Variants in LUZP2 observed in about 807,000 individuals in gnomAD.
LUZP2 encodes the protein leucine zipper protein 2.
In LUZP2, 52 loss-of-function variants were observed where a neutral mutation model predicts 51.6. The ratio of observed to expected loss-of-function variants is 1.01; its 90% confidence interval spans 0.81 to 1.27. The LOEUF is 1.27. LUZP2 is among the 50% of genes most tolerant of loss of function. The pLI, the probability that LUZP2 is intolerant of heterozygous loss-of-function variation, is 0.00. For missense variants in LUZP2, 436 were observed against 395.4 expected (o/e 1.10, Z -0.87); for synonymous variants, 154 against 137.3 (o/e 1.12, Z -0.85).
intron 1 of LUZP2, among the ~76,000 whole-genome samples, chr11:24,620,523 C>T (rs768611643): frequency 6.6e-6 from 1 of 152,188 alleles, no homozygotes; most frequent in African/African-American, 2.4e-5. Context: ...GCTTCCTACA[C>T]TGCTTACTTT....
Position 24,506,539 on chromosome 11 carries a change from A to G in LUZP2, c.62+9234A>G, listed in dbSNP as rs574693009. Among the ~76,000 whole-genome samples, 6 of 152,092 alleles carry G rather than the reference A, an allele frequency of 3.9e-5. No individual in the cohort carries two copies. In the East Asian group the frequency reaches 9.7e-4, roughly 25 times the overall value. On this transcript the variant is annotated intron_variant, in intron 1 of 11. Coordinates refer to ENST00000336930, the MANE Select transcript of LUZP2 (RefSeq NM_001009909.4). ...AGGGGCAATTTTTTCTTTTTCTGAC[A>G]TGACAGTTTAGAAAGATATTGAAGT... is the stretch of plus-strand genomic sequence containing the variant.
At chr11:24,700,730 A>C (rs540755921) in intron 1 of LUZP2, among the ~76,000 whole-genome samples, 2 of 152,252 alleles carry the variant, frequency 1.3e-5, no homozygotes, top group South Asian at 4.1e-4. Context: ...TTTATGAAAG[A>C]ATGGGAGCTG....
At chr11:24,711,436 C>T (rs549616441) in intron 1 of LUZP2, among the ~76,000 whole-genome samples, 1 of 148,818 alleles carries the variant, frequency 6.7e-6, no homozygotes, top group African/African-American at 2.5e-5. Flanking sequence ...GGCGACAGAG[C>T]GAGACTCCAT....
At chr11:24,757,401 G>A (rs1233788289) in intron 4 of LUZP2, among the ~76,000 whole-genome samples, 3 of 151,986 alleles carry the variant, frequency 2.0e-5, no homozygotes, top group African/African-American at 7.2e-5. Context: ...AATAACCATT[G>A]GATTAGTGAG....
At chr11:24,971,340 A>G (rs1335971510) in intron 7 of LUZP2, among the ~76,000 whole-genome samples, 1 of 152,136 alleles carries the variant, frequency 6.6e-6, no homozygotes, top group African/African-American at 2.4e-5. Context: ...GCCCCTATGA[A>G]AATCTAATGC....
chr11:25,073,024 CTTGACT>C (rs1859199986), intron 10 of LUZP2, among the ~76,000 whole-genome samples: 1 of 152,068 alleles, frequency 6.6e-6, no homozygotes, highest in Non-Finnish European at 1.5e-5. Context: ...AAAGACAGCA[CTTGACT>C]TTTATACACA....
intron 7 of LUZP2, among the ~76,000 whole-genome samples, chr11:24,951,350 T>A (rs918944074): frequency 1.3e-5 from 2 of 151,596 alleles, no homozygotes; most frequent in African/African-American, 4.8e-5. Flanking sequence ...TGATAAGTAT[T>A]ATTCCTATTT....
At chr11:24,910,855 C>T (rs1853609423) in intron 6 of LUZP2, among the ~76,000 whole-genome samples, 1 of 152,122 alleles carries the variant, frequency 6.6e-6, no homozygotes, top group African/African-American at 2.4e-5. Context: ...GGTAGATCCA[C>T]CGACAACTTG....
intron 1 of LUZP2, among the ~76,000 whole-genome samples, chr11:24,533,120 T>C (rs1471305849): frequency 1.3e-5 from 2 of 151,262 alleles, no homozygotes; most frequent in African/African-American, 4.8e-5. Flanking sequence ...GTGTAGAATA[T>C]GTATACTCAA....
intron 7 of LUZP2, among the ~76,000 whole-genome samples, chr11:24,947,999 A>T (rs1259936833): frequency 6.6e-6 from 1 of 151,846 alleles, no homozygotes; most frequent in Non-Finnish European, 1.5e-5. Flanking sequence ...TGAATTTTTC[A>T]ACTATTATTT....
intron 5 of LUZP2, among the ~76,000 whole-genome samples, chr11:24,813,759 A>G (rs1275101571): frequency 1.3e-5 from 2 of 152,212 alleles, no homozygotes; most frequent in African/African-American, 4.8e-5. Flanking sequence ...TAAATTACTC[A>G]GTGTGGTGAT....
intron 1 of LUZP2, among the ~76,000 whole-genome samples, chr11:24,546,269 T>C: frequency 6.6e-6 from 1 of 152,102 alleles, no homozygotes; most frequent in Non-Finnish European, 1.5e-5. Flanking sequence ...TGGATGCCCT[T>C]TATTTCCTTA....
At chr11:25,053,696 A>G (rs11028386) in intron 10 of LUZP2, among the ~76,000 whole-genome samples, 147,805 of 152,212 alleles carry the variant, frequency 0.97, 71,912 homozygotes, top group East Asian at 1. Flanking sequence ...CCATTCACCA[A>G]TTGCTGTCTT....
chr11:24,810,064 T>C (rs1849973273), intron 5 of LUZP2, among the ~76,000 whole-genome samples: 1 of 152,214 alleles, frequency 6.6e-6, no homozygotes. Context: ...GTTATGTTTA[T>C]AAGTAGTTGT....
At chr11:24,516,063 T>C (rs1763713474) in intron 1 of LUZP2, among the ~76,000 whole-genome samples, 1 of 152,168 alleles carries the variant, frequency 6.6e-6, no homozygotes, top group African/African-American at 2.4e-5. Flanking sequence ...ACATGACTAG[T>C]TATGTGATTT....
intron 5 of LUZP2, among the ~76,000 whole-genome samples, chr11:24,780,119 G>A (rs753386137): frequency 7.2e-5 from 11 of 152,042 alleles, no homozygotes; most frequent in Non-Finnish European, 1.5e-4. Flanking sequence ...AATTTAATTA[G>A]GAAACTAACA....
chr11:24,716,561 C>T (rs1312284498), intron 1 of LUZP2, among the ~76,000 whole-genome samples: 5 of 152,118 alleles, frequency 3.3e-5, no homozygotes, highest in Non-Finnish European at 7.4e-5. Flanking sequence ...TTCAACACTT[C>T]TGCCAGTCCA....
intron 7 of LUZP2, among the ~76,000 whole-genome samples, chr11:24,952,929 G>T (rs1488002592): frequency 1.3e-5 from 2 of 151,604 alleles, no homozygotes; most frequent in African/African-American, 4.8e-5. Flanking sequence ...ACATTTCTAG[G>T]GTTTCAATAT....
chr11:24,732,137 A>T lies in LUZP2; in HGVS notation c.200A>T (p.Gln67Leu), dbSNP rs1858736732. Residue 67 changes from glutamine to leucine, a missense_variant, in exon 3 of 12, where the codon CAG (glutamine) becomes CTG (leucine). Physicochemically the swap from Gln to Leu is moderately radical, Grantham distance 113. Coordinates refer to ENST00000336930, the MANE Select transcript of LUZP2 (RefSeq NM_001009909.4). ...VNLQSLKNDEQSAKTDVQKLL... is the reference protein window; with the variant it reads ...VNLQSLKNDELSAKTDVQKLL... Reference sequence around the variant, plus strand: ...TATCAGTCCTTAAAAAACGATGAGCAGTCTGCCAAAACTGATGTTCAGAAA... The same window carrying T: ...TATCAGTCCTTAAAAAACGATGAGCTGTCTGCCAAAACTGATGTTCAGAAA... 2.5e-6 allele frequency: 4 copies of T among 1,609,348 alleles called. No individual in the cohort carries two copies. Among genetic ancestry groups the T allele is most frequent in the Non-Finnish European group, 2.5e-6 (3 of 1,177,102 alleles).
Sources: gnomAD v4.1 joint callset for allele counts (sites outside exome capture counted in the v4.1 genomes callset) on GRCh38, gnomAD v4.1.1 for gene constraint, MANE v1.5 for transcripts, NCBI Gene and HGNC (gene_info 2026-07-23, HGNC 2026-07-21) for gene names.